Variants in TM9SF3 observed in about 807,000 individuals in gnomAD.
The protein encoded by TM9SF3 is transmembrane 9 superfamily member 3, also known as SM-11044-binding protein.
A neutral mutation model predicts 78.6 loss-of-function variants in TM9SF3; 14 were observed. That is an observed-to-expected ratio of 0.18 (90% confidence interval 0.12 to 0.28). The LOEUF is 0.28. Among genes scored for constraint, TM9SF3 ranks in the 10% least tolerant of loss-of-function variants. The pLI is 1.00. For missense variants in TM9SF3, 496 were observed against 721.9 expected (o/e 0.69, Z 3.59); for synonymous variants, 231 against 241.7 (o/e 0.96, Z 0.41).
At chr10:96,551,133 G>C (rs1470675157) in intron 7 of TM9SF3, 112 bp downstream of exon 7, 1 of 896,564 alleles carries the variant, frequency 1.1e-6, no homozygotes, top group Non-Finnish European at 1.7e-6. Flanking sequence ...ATCATAAACT[G>C]TAAGATAAAG....
chr10:96,539,137 T>C (rs967892950), intron 9 of TM9SF3, among the ~76,000 whole-genome samples: 2 of 152,190 alleles, frequency 1.3e-5, no homozygotes, highest in Non-Finnish European at 2.9e-5. Context: ...AACCATGCAA[T>C]TGAATACTAT....
intron 7 of TM9SF3, 33 bp from the exon 8 acceptor site, chr10:96,548,022 A>G (rs1848122840): frequency 6.9e-7 from 1 of 1,452,606 alleles, no homozygotes. Context: ...AAAAATTAAA[A>G]CCAACAATTT....
intron 3 of TM9SF3, among the ~76,000 whole-genome samples, chr10:96,564,359 A>C (rs1328202330): frequency 6.6e-6 from 1 of 152,204 alleles, no homozygotes; most frequent in Admixed American, 6.5e-5. Flanking sequence ...GCTCAGAAAA[A>C]TCTTCAGTGA....
chr10:96,553,598 CTGGCTGCCA>C (rs113082545), intron 5 of TM9SF3, among the ~76,000 whole-genome samples: 12,580 of 152,176 alleles, frequency 0.083, 1,219 homozygotes, highest in African/African-American at 0.24. Flanking sequence ...ACTATTATAG[CTGGCTGCCA>C]TGGACTTAGG....
At chr10:96,578,094 T>C (rs1848518424) in intron 1 of TM9SF3, among the ~76,000 whole-genome samples, 1 of 152,226 alleles carries the variant, frequency 6.6e-6, no homozygotes, top group Non-Finnish European at 1.5e-5. Context: ...AACTTGTATG[T>C]TCTTACCAAA....
Position 96,546,188 on chromosome 10 carries a change from C to G in TM9SF3, c.1054+1707G>C, listed in dbSNP as rs575493097. On this transcript the variant is annotated intron_variant, in intron 8 of 14. Transcript: ENST00000371142. The stretch of plus-strand genomic sequence containing the variant: ...GAGATAAGTCTGAAAAATTATTGAT[C>G]CCCTGGGTTGACTTCTACATTAACC... Among the ~76,000 whole-genome samples, 13 of 152,270 alleles carry G rather than the reference C, an allele frequency of 8.5e-5. No homozygotes were observed. In the East Asian group the frequency reaches 2.3e-3, roughly 27 times the overall value.
chr10:96,577,309 C>T (rs1321840415), intron 1 of TM9SF3, among the ~76,000 whole-genome samples: 3 of 151,578 alleles, frequency 2.0e-5, no homozygotes, highest in Non-Finnish European at 4.4e-5. Context: ...GAGACTTTCA[C>T]ACAGCCACTG....
chr10:96,567,113 T>G (rs1191598735), intron 2 of TM9SF3, among the ~76,000 whole-genome samples: 2 of 138,448 alleles, frequency 1.4e-5, no homozygotes, highest in Non-Finnish European at 3.1e-5. Flanking sequence ...AGACGGAGTT[T>G]CACTCTTGTT....
rs1243498398 is a variant in TM9SF3, at chr10:96,528,148, T to C, written c.1424A>G (p.Tyr475Cys). 2 of 1,611,144 alleles carry C rather than the reference T, an allele frequency of 1.2e-6. No homozygotes were observed. The highest frequency in any genetic ancestry group is 1.3e-5 in the African/African-American group (1 of 74,788). Reference sequence around the variant, plus strand: ...GAAGCCATAGACATAATAGATCTTATATGCCCAGAAAGACGTGAAGATGAA... The same window carrying C: ...GAAGCCATAGACATAATAGATCTTACATGCCCAGAAAGACGTGAAGATGAA... ...MYFIFTSFWAYKIYYVYGFMM... is the reference protein window; with the variant it reads ...MYFIFTSFWACKIYYVYGFMM... Residue 475 changes from tyrosine (Y) to cysteine (C), a missense_variant, in exon 12 of 15, where the codon TAT becomes TGT. By Grantham distance (194) the Tyr-to-Cys change is radical (BLOSUM62 -2). Coordinates refer to ENST00000371142, the MANE Select transcript of TM9SF3 (RefSeq NM_020123.4).
chr10:96,557,374 C>T (rs546450027), intron 5 of TM9SF3, among the ~76,000 whole-genome samples: 2 of 111,480 alleles, frequency 1.8e-5, no homozygotes, highest in Non-Finnish European at 3.8e-5. Flanking sequence ...AACCCTTCTT[C>T]ACCTTCCTAT....
chr10:96,577,558 A>G (rs1449175844), intron 1 of TM9SF3: 2 of 152,208 alleles, frequency 1.3e-5, no homozygotes, highest in African/African-American at 4.8e-5. Context: ...AAGATTTCTA[A>G]GATCTCGACA....
intron 2 of TM9SF3, among the ~76,000 whole-genome samples, chr10:96,573,201 A>G (rs930140981): frequency 9.9e-5 from 15 of 152,220 alleles, no homozygotes; most frequent in African/African-American, 3.6e-4. Context: ...CACAAGAGAC[A>G]TAATGTTCCA....
chr10:96,544,013 G>A, intron 9 of TM9SF3, 63 bp downstream of exon 9: 1 of 1,516,664 alleles, frequency 6.6e-7, no homozygotes, highest in Non-Finnish European at 8.9e-7. Flanking sequence ...TTTGGAGGGT[G>A]AGTAGGTCTC....
intron 2 of TM9SF3, among the ~76,000 whole-genome samples, chr10:96,571,528 T>G (rs115943621): frequency 0.02 from 3,077 of 152,302 alleles, 115 homozygotes; most frequent in African/African-American, 0.071. Flanking sequence ...CCTCACCTTT[T>G]GGCAATCAGG....
chr10:96,559,346 C>T (rs1848274022), intron 5 of TM9SF3, among the ~76,000 whole-genome samples: 1 of 152,186 alleles, frequency 6.6e-6, no homozygotes, highest in Admixed American at 6.5e-5. Context: ...CATTAGAAGG[C>T]CAATGCGCTA....
intron 1 of TM9SF3, among the ~76,000 whole-genome samples, chr10:96,580,197 A>G (rs1363896378): frequency 6.6e-6 from 1 of 152,166 alleles, no homozygotes; most frequent in Non-Finnish European, 1.5e-5. Flanking sequence ...TCACTGCTAC[A>G]CTTACGTCAT....
At chr10:96,540,477 T>C (rs1422238109) in intron 9 of TM9SF3, among the ~76,000 whole-genome samples, 1 of 152,212 alleles carries the variant, frequency 6.6e-6, no homozygotes, top group African/African-American at 2.4e-5. Context: ...GGCAGCTGGG[T>C]ACTCCTGTAC....
Position 96,553,009 on chromosome 10 carries a change from C to A in TM9SF3, c.711G>T (p.Val237=), listed in dbSNP as rs770764879. 6.2e-7 allele frequency: 1 copy of A among 1,602,326 alleles called. No individual in the cohort carries two copies. The highest frequency in any genetic ancestry group is 8.5e-7 in the Non-Finnish European group (1 of 1,175,570). Residue 237 remains valine, a synonymous_variant, in exon 6 of 15, where the codon GTG becomes GTT. Transcript: ENST00000371142. ...FNSFMMVIFL[V]GLVSMILMRT... ...TCATTAAAATCATTGAAACTAAGCC[C>A]ACCAAGAAGATCACCATCATGAAGG...
intron 10 of TM9SF3, among the ~76,000 whole-genome samples, chr10:96,532,132 T>C (rs1034806435): frequency 1.2e-4 from 18 of 151,642 alleles, no homozygotes; most frequent in Admixed American, 7.9e-4. Context: ...ATGGCATGAA[T>C]CCAGGAAGTG....
Sources: allele counts gnomAD v4.1 joint callset (sites outside exome capture counted in the v4.1 genomes callset), GRCh38; gene constraint gnomAD v4.1.1; transcripts MANE v1.5; gene names NCBI Gene and HGNC (gene_info 2026-07-23, HGNC 2026-07-21).